Variants in NSD1 observed in about 807,000 individuals in gnomAD.
The protein encoded by NSD1 is histone-lysine N-methyltransferase, H3 lysine-36 specific.
NSD1 carries 26 observed loss-of-function variants against 242.7 expected under a neutral mutation model. The observed-to-expected ratio is 0.11, with a 90% CI of 0.08 to 0.15. The LOEUF is 0.15. NSD1 is among the 10% of genes least tolerant of loss of function. NSD1 has a pLI of 1.00. For synonymous variants in NSD1, 1,106 were observed against 1,178.1 expected (o/e 0.94, Z 1.25); for missense variants, 2,495 against 3,272.8 (o/e 0.76, Z 5.80).
intron 3 of NSD1, among the ~76,000 whole-genome samples, chr5:177,193,201 C>T (rs924184881): frequency 1.8e-4 from 27 of 152,140 alleles, no homozygotes; most frequent in African/African-American, 6.5e-4. Context: ...AGTGCAGTGG[C>T]GTGATCTCGG....
chr5:177,141,706 C>T (rs910183175), intron 2 of NSD1, among the ~76,000 whole-genome samples: 2 of 152,118 alleles, frequency 1.3e-5, no homozygotes, highest in Admixed American at 6.6e-5. Context: ...CATTCACTTT[C>T]ATTGATTCTG....
In NSD1 at chr5:177,181,506, A is replaced by G. The variant is rs561860290; in HGVS notation, c.928-10378A>G. ...ATTGGCACAATCTCATCTCACTGCA[A>G]CCTCCAACTCGCGGGTTCAAGTGAT... On this transcript the variant is annotated intron_variant, in intron 2 of 22. Transcript: ENST00000439151. 5.0e-5 allele frequency among the ~76,000 whole-genome samples: 7 copies of G among 140,570 alleles called. No individual in the cohort carries two copies. In the South Asian group the frequency reaches 1.4e-3, roughly 27 times the overall value. 92.2% of individuals were successfully genotyped at this position (140,570 alleles called of 152,430 possible). A position where few individuals can be genotyped will look rare whatever the true frequency, so the allele number is the denominator to read the frequency against.
rs1412055976 is a variant in NSD1 at position 177,221,280 on chromosome 5, T to G, written c.3796+9085T>G. Among the ~76,000 whole-genome samples the G allele has an allele frequency of 2.0e-5, 3 of 151,998 alleles. No individual in the cohort carries two copies. In the East Asian group the frequency reaches 5.8e-4, roughly 29 times the overall value. ...GCTGTTTTGTCCCCCTTTTGCTGTC[T>G]TTCTGCCTTCCTTGTTTTTTGTTTT... On this transcript the variant is annotated intron_variant, in intron 5 of 22. Coordinates refer to ENST00000439151, the MANE Select transcript of NSD1 (RefSeq NM_022455.5).
intron 2 of NSD1, among the ~76,000 whole-genome samples, chr5:177,158,979 C>T (rs528600319): frequency 4.9e-4 from 62 of 125,836 alleles, no homozygotes; most frequent in Non-Finnish European, 7.4e-4. Flanking sequence ...CATATATACA[C>T]ACATATATAT....
chr5:177,212,574 C>G (rs2149850930), intron 5 of NSD1, among the ~76,000 whole-genome samples: 1 of 150,544 alleles, frequency 6.6e-6, no homozygotes, highest in East Asian at 2.0e-4. Flanking sequence ...TGAGTTCACG[C>G]CATCTGCCAG....
intron 2 of NSD1, among the ~76,000 whole-genome samples, chr5:177,142,399 T>C (rs1756902044): frequency 6.6e-6 from 1 of 152,226 alleles, no homozygotes; most frequent in Non-Finnish European, 1.5e-5. Flanking sequence ...CAATACAGAA[T>C]ACTAAGTGGT....
Position 177,238,703 on chromosome 5 carries a change from G to A in NSD1, c.4192+196G>A, listed in dbSNP as rs2149888100. Among the ~76,000 whole-genome samples, 1 of 152,278 alleles carries A rather than the reference G, an allele frequency of 6.6e-6. No homozygotes were observed. Among genetic ancestry groups the A allele is most frequent in the South Asian group, 2.1e-4 (1 of 4,824 alleles). ...AACTGTGGCACACTATCAAGAAGAT[G>A]TATTTTTAATAACTATGCTCCTTGC... On this transcript the variant is annotated intron_variant, in intron 7 of 22. Coordinates refer to ENST00000439151, the MANE Select transcript of NSD1 (RefSeq NM_022455.5). This position sits in a 1 kb window ranked among gnomAD's most constrained non-coding sequence, Gnocchi z 4.6.
intron 2 of NSD1, among the ~76,000 whole-genome samples, chr5:177,175,108 T>TGA (rs1174560572): frequency 6.6e-6 from 1 of 151,886 alleles, no homozygotes; most frequent in Non-Finnish European, 1.5e-5. Flanking sequence ...CCTGACCTCG[T>TGA]GATCCACTCG....
chr5:177,213,648 T>A (rs929663870), intron 5 of NSD1, among the ~76,000 whole-genome samples: 2 of 152,134 alleles, frequency 1.3e-5, no homozygotes, highest in Non-Finnish European at 2.9e-5. Flanking sequence ...TTTTTTGTAT[T>A]TTTAGTAGAG....
At chr5:177,201,808 C>T (rs1280419373) in intron 3 of NSD1, among the ~76,000 whole-genome samples, 1 of 151,686 alleles carries the variant, frequency 6.6e-6, no homozygotes, top group Non-Finnish European at 1.5e-5. Flanking sequence ...ATCCGCCTGC[C>T]TCAGCCTCCC....
intron 15 of NSD1, among the ~76,000 whole-genome samples, chr5:177,268,596 A>G (rs1757708004): frequency 1.3e-5 from 2 of 152,276 alleles, no homozygotes; most frequent in South Asian, 4.1e-4. Context: ...AAAGAAATAG[A>G]ACACTGTTGG....
intron 16 of NSD1, among the ~76,000 whole-genome samples, chr5:177,272,509 G>A (rs989587300): frequency 5.3e-5 from 8 of 152,150 alleles, no homozygotes; most frequent in Non-Finnish European, 1.2e-4. Flanking sequence ...TAATGTGGGT[G>A]AAGAATAAGG....
chr5:177,136,798 T>G, intron 2 of NSD1: 1 of 590,832 alleles, frequency 1.7e-6, no homozygotes, highest in South Asian at 2.0e-5. Context: ...TTTTTCTAGT[T>G]TTGTTTTGTT....
intron 17 of NSD1, among the ~76,000 whole-genome samples, chr5:177,280,212 C>T (rs980882862): frequency 2.0e-5 from 3 of 151,410 alleles, no homozygotes; most frequent in East Asian, 3.9e-4. Context: ...CTCCTGACCT[C>T]GTAATCCACC....
intron 21 of NSD1, among the ~76,000 whole-genome samples, chr5:177,289,867 G>T (rs374256468): frequency 6.1e-5 from 9 of 147,362 alleles, no homozygotes; most frequent in Admixed American, 3.4e-4. Flanking sequence ...TCGCTCTGTT[G>T]CCCAGGCTGG....
chr5:177,206,996 G>A (rs758638965), intron 4 of NSD1, among the ~76,000 whole-genome samples: 27 of 151,988 alleles, frequency 1.8e-4, no homozygotes, highest in Non-Finnish European at 3.1e-4. Flanking sequence ...GAATGCAGTG[G>A]CATGATCTCG....
chr5:177,277,568 G>A (rs959332442), intron 17 of NSD1, among the ~76,000 whole-genome samples: 1 of 152,036 alleles, frequency 6.6e-6, no homozygotes, highest in Admixed American at 6.6e-5. Flanking sequence ...ATTTGTTTTG[G>A]TTTGCTTTTG....
intron 11 of NSD1, among the ~76,000 whole-genome samples, chr5:177,249,095 G>C (rs1215518097): frequency 6.6e-6 from 1 of 152,146 alleles, no homozygotes; most frequent in African/African-American, 2.4e-5. Flanking sequence ...TGAAGTCTTT[G>C]TGAGTAGAGT....
chr5:177,163,430 C>T (rs924272152), intron 2 of NSD1, among the ~76,000 whole-genome samples: 5 of 151,962 alleles, frequency 3.3e-5, no homozygotes, highest in Non-Finnish European at 5.9e-5. Flanking sequence ...CATGAGCCAC[C>T]GCGCCCAGCC....
Sources: gnomAD v4.1 joint callset for allele counts (sites outside exome capture counted in the v4.1 genomes callset) on GRCh38, gnomAD v4.1.1 for gene constraint, Gnocchi (gnomAD v3.1) non-coding constraint, MANE v1.5 for transcripts, NCBI Gene and HGNC (gene_info 2026-07-23, HGNC 2026-07-21) for gene names.